Variants in SF1 observed in about 807,000 individuals in gnomAD.
SF1 encodes splicing factor 1.
A neutral mutation model predicts 62.5 loss-of-function variants in SF1; 7 were observed. That is an observed-to-expected ratio of 0.11 (90% CI 0.06 to 0.21). SF1 has a LOEUF of 0.21. Ranked by LOEUF, SF1 falls within the 10% of genes least tolerant of loss-of-function variation. The pLI is 1.00. For synonymous variants in SF1, 394 were observed against 323.6 expected (o/e 1.22, Z -2.33); for missense variants, 578 against 884.0 (o/e 0.65, Z 4.39).
chr11:64,777,831 C>G (rs1390644359), intron 1 of SF1: 1 of 950,044 alleles, frequency 1.1e-6, no homozygotes, highest in Admixed American at 6.8e-5. Flanking sequence ...GGCCCTAGAA[C>G]CAGGCCGCGC....
At chr11:64,771,878 A>G in intron 3 of SF1, 1 of 985,446 alleles carries the variant, frequency 1.0e-6, no homozygotes, top group Non-Finnish European at 1.2e-6. Context: ...CAAAAGCAAA[A>G]CCAATCAGGC....
At chr11:64,769,702 CA>C in intron 5 of SF1, 93 bp from the exon 6 acceptor site, 1 of 1,167,628 alleles carries the variant, frequency 8.6e-7, no homozygotes, top group Non-Finnish European at 1.2e-6. Flanking sequence ...TGGGAAACCA[CA>C]AGCGCAGAGA....
At chr11:64,777,931 T>G (rs1939627423) in intron 1 of SF1, 1 of 975,136 alleles carries the variant, frequency 1.0e-6, no homozygotes, top group Non-Finnish European at 1.2e-6. Context: ...CGCGCGCCCC[T>G]CAGGCGGCCG....
rs1298632582 is a variant in SF1, at chr11:64,778,381, T to A, written c.12A>T (p.Gly4=). MAT[G]ANATPLDFPS... ...GCTTACCCAACGGCGTGGCGTTCGCTCCGGTCGCCATGGCGCCCCCGGGGA... is the reference window on the plus strand; with the variant it reads ...GCTTACCCAACGGCGTGGCGTTCGCACCGGTCGCCATGGCGCCCCCGGGGA... The change falls in exon 1 of 13, where the codon GGA becomes GGT. Residue 4 remains glycine, a synonymous_variant. Coordinates refer to ENST00000377390, the MANE Select transcript of SF1 (RefSeq NM_004630.4). 1.5e-5 allele frequency: 18 copies of A among 1,227,966 alleles called. No homozygotes were observed. Among genetic ancestry groups the A allele is most frequent in the East Asian group, 3.2e-5 (1 of 31,216 alleles). The allele number at this position is 1,227,966 out of a possible 1,614,324, so 76.1% of individuals were successfully genotyped here.
rs777375511 is a variant in SF1, at chr11:64,767,551, C to T, written c.1342+20G>A. On this transcript the variant is annotated intron_variant, in intron 10 of 12. Transcript: ENST00000377390. ...GCTTATCCCAAAGCCCCCAAGGTTT[C>T]TGGTCTGACACTTACTTACCCATTG... The T allele has an allele frequency of 3.9e-6, 6 of 1,531,018 alleles. No homozygotes were observed. The highest frequency in any genetic ancestry group is 2.2e-5 in the Admixed American group (1 of 44,960). The allele number at this position is 1,531,018 out of a possible 1,614,324, so 94.8% of individuals were successfully genotyped here. A position where few individuals can be genotyped will look rare whatever the true frequency, so the allele number is the denominator to read the frequency against.
chr11:64,774,978 A>C (rs1396377879), intron 2 of SF1, among the ~76,000 whole-genome samples: 1 of 149,760 alleles, frequency 6.7e-6, no homozygotes, highest in Non-Finnish European at 1.5e-5. Flanking sequence ...AAAAAAAAAA[A>C]GATATTGAGG....
rs1306366027 is a variant in SF1 at position 64,766,004 on chromosome 11, CGGCAGAGGCGGCTGGACCCCGGGG to C, written c.1710_1733del (p.Val573_Gly580del). 2 of 1,596,964 alleles carry C rather than the reference CGGCAGAGGCGGCTGGACCCCGGGG, an allele frequency of 1.3e-6. No homozygotes were observed. Among genetic ancestry groups the C allele is most frequent in the African/African-American group, 1.4e-5 (1 of 72,380 alleles). On this transcript the variant is annotated inframe_deletion, in exon 13 of 13. Transcript: ENST00000377390. ...GCGGCGGAGGGGGAGGGGCCCCAGGCGGCAGAGGCGGCTGGACCCCGGGGGGCAGGGGCACCATAGTGGGGTTGC... is the reference window on the plus strand; with the variant it reads ...GCGGCGGAGGGGGAGGGGCCCCAGGCGGCAGGGGCACCATAGTGGGGTTGC...
chr11:64,768,932 T>A, intron 8 of SF1, 90 bp downstream of exon 8: 8 of 877,574 alleles, frequency 9.1e-6, no homozygotes, highest in Non-Finnish European at 1.6e-5. Flanking sequence ...ATGTTTCTCT[T>A]GGTAAGATTA....
intron 1 of SF1, 96 bp from the exon 2 acceptor site, chr11:64,776,722 C>T: frequency 8.4e-7 from 1 of 1,184,790 alleles, no homozygotes; most frequent in African/African-American, 1.6e-5. Flanking sequence ...ACTCAGCAGA[C>T]TGTGAAGCTG....
At chr11:64,776,762 A>G (rs1939321648) in intron 1 of SF1, 136 bp from the exon 2 acceptor site, 3 of 778,818 alleles carry the variant, frequency 3.9e-6, no homozygotes, top group Non-Finnish European at 4.0e-6. Flanking sequence ...AAACATTAAA[A>G]AAACAGAAAA....
chr11:64,770,880 G>A (rs1433386207), intron 3 of SF1, among the ~76,000 whole-genome samples: 1 of 152,178 alleles, frequency 6.6e-6, no homozygotes, highest in African/African-American at 2.4e-5. Context: ...CACATAGTAT[G>A]TATGAGCTCT....
intron 2 of SF1, 52 bp downstream of exon 2, chr11:64,776,446 G>A (rs536942660): frequency 2.8e-5 from 44 of 1,553,564 alleles, no homozygotes; most frequent in Non-Finnish European, 3.8e-5. Context: ...ATCTTGCTCA[G>A]AATAAATCGT....
chr11:64,778,353 C>G lies in SF1; in HGVS notation c.31+9G>C. 1 of 1,227,056 alleles carries G rather than the reference C, an allele frequency of 8.1e-7. No individual in the cohort carries two copies. The highest frequency in any genetic ancestry group is 1.0e-6 in the Non-Finnish European group (1 of 984,052). The allele number at this position is 1,227,056 out of a possible 1,614,324, so 76.0% of individuals were successfully genotyped here. ...GGGAGCGGGGGCAGCCCGGGGGGGC[C>G]CAGCTTACCCAACGGCGTGGCGTTC... On this transcript the variant is annotated intron_variant, in intron 1 of 12. Transcript: ENST00000377390.
intron 2 of SF1, among the ~76,000 whole-genome samples, chr11:64,774,851 C>T (rs1032136119): frequency 2.1e-4 from 32 of 151,710 alleles, no homozygotes; most frequent in African/African-American, 7.8e-4. Context: ...GTCCCAGCTA[C>T]TTGGGAGGCT....
Position 64,778,414 on chromosome 11 carries a change from C to G in SF1, c.-22G>C. 1 of 1,226,336 alleles carries G rather than the reference C, an allele frequency of 8.2e-7. No homozygotes were observed. The highest frequency in any genetic ancestry group is 1.0e-6 in the Non-Finnish European group (1 of 983,376). 76.0% of individuals were successfully genotyped at this position (1,226,336 alleles called of 1,614,324 possible). On this transcript the variant is annotated 5_prime_UTR_variant, in exon 1 of 13. Transcript: ENST00000377390. ...CCATGGCGCCCCCGGGGACAGGCAC[C>G]GGCACCTGCTTTTCCTCTGCGGCGG...
chr11:64,769,796 A>C, intron 5 of SF1, 168 bp downstream of exon 5: 1 of 720,820 alleles, frequency 1.4e-6, no homozygotes, highest in Non-Finnish European at 2.3e-6. Context: ...TCTCCGCACT[A>C]GTGGGGAAGT....
chr11:64,766,754 G>A (rs2058702180), intron 12 of SF1, 146 bp downstream of exon 12: 2 of 562,382 alleles, frequency 3.6e-6, no homozygotes, highest in Non-Finnish European at 2.9e-6. Context: ...TCCACCCCCT[G>A]GACCAGGAGG....
intron 1 of SF1, chr11:64,778,058 G>C (rs1939661558): frequency 9.9e-7 from 1 of 1,005,046 alleles, no homozygotes; most frequent in African/African-American, 1.7e-5. Flanking sequence ...CTGCGGCGGC[G>C]ACACGCGCTG....
intron 3 of SF1, chr11:64,771,589 A>AG: frequency 1.0e-6 from 1 of 985,466 alleles, no homozygotes; most frequent in Non-Finnish European, 1.2e-6. Flanking sequence ...ATAAAAGGTC[A>AG]GGTTTGTTCA....
Sources: gnomAD v4.1 joint callset for allele counts (sites outside exome capture counted in the v4.1 genomes callset) on GRCh38, gnomAD v4.1.1 for gene constraint, MANE v1.5 for transcripts, NCBI Gene and HGNC (gene_info 2026-07-23, HGNC 2026-07-21) for gene names.